INPPL1: variants seen among roughly 807,000 people sequenced by gnomAD.
INPPL1 encodes the protein inositol polyphosphate phosphatase like 1.
A neutral mutation model predicts 139.3 loss-of-function variants in INPPL1; 91 were observed. The observed-to-expected ratio is 0.65, with a 90% CI of 0.55 to 0.78. The LOEUF is 0.78. Among genes scored for constraint, INPPL1 ranks in the 30% least tolerant of loss-of-function variants. The pLI is 0.00. For synonymous variants in INPPL1, 719 were observed against 686.6 expected (o/e 1.05, Z -0.74); for missense variants, 1,411 against 1,665.6 (o/e 0.85, Z 2.66).
intron 14 of INPPL1, 34 bp downstream of exon 14, chr11:72,232,370 C>G: frequency 1.3e-6 from 2 of 1,524,316 alleles, no homozygotes; most frequent in Non-Finnish European, 1.8e-6. Flanking sequence ...TCTCTTTACA[C>G]CCATCCCATT....
At chr11:72,226,870 G>A (rs1197042380) in intron 1 of INPPL1, among the ~76,000 whole-genome samples, 1 of 152,094 alleles carries the variant, frequency 6.6e-6, no homozygotes, top group African/African-American at 2.4e-5. Flanking sequence ...GTGTCTGGGT[G>A]AGGAACATTA....
intron 14 of INPPL1, 21 bp downstream of exon 14, chr11:72,232,357 T>G (rs913141987): frequency 3.9e-6 from 6 of 1,545,506 alleles, no homozygotes; most frequent in South Asian, 1.2e-5. Context: ...GCCTTTCCCA[T>G]GGTCTCTTTA....
intron 1 of INPPL1, among the ~76,000 whole-genome samples, chr11:72,226,843 G>C (rs955056564): frequency 2.0e-5 from 3 of 152,104 alleles, no homozygotes; most frequent in Non-Finnish European, 4.4e-5. Flanking sequence ...TGAGTGGGAG[G>C]GGGACAGCTG....
At position 72,235,612 on chromosome 11, in the gene INPPL1, A is replaced by T; in HGVS notation, c.2660-63A>T. 6.3e-7 allele frequency: 1 copy of T among 1,598,242 alleles called. No homozygotes were observed. The highest frequency in any genetic ancestry group is 1.1e-5 in the South Asian group (1 of 90,272). On this transcript the variant is annotated intron_variant, in intron 23 of 27. Transcript: ENST00000298229. This position sits in a 1 kb window ranked among gnomAD's most constrained non-coding sequence, Gnocchi z 4.9. The stretch of plus-strand genomic sequence containing the variant: ...TAGCTGGGAAAGGGCTGGCAGGCCC[A>T]CTGGGTGTCTGTGGGATCCAGGAGC...
In INPPL1 at chr11:72,237,367, TGAG is replaced by T. The variant is rs770954047; in HGVS notation, c.3127_3129del (p.Glu1043del). The T allele has an allele frequency of 6.2e-6, 10 of 1,613,764 alleles. No individual in the cohort carries two copies. The African/African-American group carries it at 1.1e-4, about 17-fold the overall frequency. ...GTGTGGGAGAGGGGAGTTCTTCAGA[TGAG>T]GAGTCTGGAGGCACACTGCCCCCTC... On this transcript the variant is annotated inframe_deletion, in exon 26 of 28. Coordinates refer to ENST00000298229, the MANE Select transcript of INPPL1 (RefSeq NM_001567.4).
intron 19 of INPPL1, 126 bp downstream of exon 19, chr11:72,233,870 G>C: frequency 1.3e-6 from 1 of 761,354 alleles, no homozygotes; most frequent in Non-Finnish European, 2.3e-6. Flanking sequence ...GAGTGCAGGA[G>C]TGTTTCTCAA....
At chr11:72,232,577 C>T (rs976372789) in intron 14 of INPPL1, 49 bp from the exon 15 acceptor site, 1 of 1,602,356 alleles carries the variant, frequency 6.2e-7, no homozygotes, top group African/African-American at 1.3e-5. Context: ...TGACTTCTGG[C>T]CCTGACCCTG....
At chr11:72,225,331 G>T in intron 1 of INPPL1, 165 bp downstream of exon 1, 1 of 985,438 alleles carries the variant, frequency 1.0e-6, no homozygotes, top group South Asian at 4.7e-5. Context: ...GAGGAGGGAC[G>T]CAGGGGCACT....
chr11:72,238,102 C>T lies in INPPL1; in HGVS notation c.3613C>T (p.Leu1205=). Reference sequence around the variant, plus strand: ...GGGCGAGGCAGGCATGAGTGCCTGGCTGCGGGCCATCGGCTTGGAGCGCTA... The same window carrying T: ...GGGCGAGGCAGGCATGAGTGCCTGGTTGCGGGCCATCGGCTTGGAGCGCTA... ...GLGEAGMSAW[L]RAIGLERYEE... Residue 1205 remains leucine (L), a synonymous_variant, in exon 27 of 28, where the codon CTG becomes TTG. Transcript: ENST00000298229. The T allele has an allele frequency of 1.3e-6, 2 of 1,583,476 alleles. No homozygotes were observed. Among genetic ancestry groups the T allele is most frequent in the Non-Finnish European group, 1.7e-6 (2 of 1,164,438 alleles).
Position 72,235,426 on chromosome 11 carries a change from C to T in INPPL1, c.2634C>T (p.Arg878=), listed in dbSNP as rs1344546700. 7 of 1,613,158 alleles carry T rather than the reference C, an allele frequency of 4.3e-6. No individual in the cohort carries two copies. The highest frequency in any genetic ancestry group is 5.1e-6 in the Non-Finnish European group (6 of 1,179,974). The change falls in exon 23 of 28, where the codon CGC becomes CGT. Residue 878 remains arginine, a synonymous_variant. Coordinates refer to ENST00000298229, the MANE Select transcript of INPPL1 (RefSeq NM_001567.4). The surrounding 1 kb of genome is among the most constrained non-coding windows in gnomAD (Gnocchi z 4.9). ...GSMKVRVPTE[R]LGTRERLYEW... ...TGAAGGTGCGGGTGCCCACGGAGCG[C>T]CTGGGCACCCGTGAGCGGCTCTACG...
chr11:72,227,041 C>T lies in INPPL1; in HGVS notation c.183-1149C>T, dbSNP rs11235471. On this transcript the variant is annotated intron_variant, in intron 1 of 27. Coordinates refer to ENST00000298229, the MANE Select transcript of INPPL1 (RefSeq NM_001567.4). ...TAAGGATCAGACGTGGGCGATCAGA[C>T]GTGGGCAATATCTTAGATTTGCCAA... Among the ~76,000 whole-genome samples, 358 of 152,216 alleles carry T rather than the reference C, an allele frequency of 2.4e-3. 2 individuals are homozygous for T. The highest frequency in any genetic ancestry group is 7.6e-3 in the African/African-American group (314 of 41,508).
At chr11:72,226,057 T>A (rs1034463485) in intron 1 of INPPL1, among the ~76,000 whole-genome samples, 4 of 152,182 alleles carry the variant, frequency 2.6e-5, no homozygotes, top group African/African-American at 9.7e-5. Context: ...AGATCTTTAT[T>A]TAGATCTTTC....
At position 72,233,641 on chromosome 11, in the gene INPPL1, T is replaced by C. The variant is rs1462185921; in HGVS notation, c.2123-14T>C. 1 of 1,613,050 alleles carries C rather than the reference T, an allele frequency of 6.2e-7. No individual in the cohort carries two copies. Among genetic ancestry groups the C allele is most frequent in the Non-Finnish European group, 8.5e-7 (1 of 1,179,142 alleles). ...TATTCCCCCTGAGTCCCCATTCCTA[T>C]CCCCTCTCCCCAGGTTGCACTGATG... is the stretch of plus-strand genomic sequence containing the variant. On this transcript the variant is annotated splice_polypyrimidine_tract_variant and intron_variant, in intron 18 of 27. Transcript: ENST00000298229.
At chr11:72,233,765 TGTGGGTGTGGCATAATCTAG>T in intron 19 of INPPL1, 21 bp downstream of exon 19, 2 of 1,603,106 alleles carry the variant, frequency 1.2e-6, no homozygotes, top group African/African-American at 1.3e-5. Context: ...CAGATATGCT[TGTGGGTGTGGCATAATCTAG>T]GTGGGCACAG....
chr11:72,237,828 C>A, intron 26 of INPPL1, 32 bp downstream of exon 26: 1 of 1,561,540 alleles, frequency 6.4e-7, no homozygotes, highest in Admixed American at 1.9e-5. Flanking sequence ...TCTGTGTGTG[C>A]CTGAGTGTGC....
chr11:72,236,759 G>T (rs1286419126), intron 25 of INPPL1, among the ~76,000 whole-genome samples: 2 of 152,200 alleles, frequency 1.3e-5, no homozygotes, highest in Non-Finnish European at 2.9e-5. Flanking sequence ...TTCTGCAGCG[G>T]ATTGACTGTG....
chr11:72,236,915 A>C (rs1949002600), intron 25 of INPPL1, among the ~76,000 whole-genome samples: 1 of 152,210 alleles, frequency 6.6e-6, no homozygotes, highest in South Asian at 2.1e-4. Context: ...CAAGTGAGGC[A>C]AGGGATTGTA....
chr11:72,235,287 G>A lies in INPPL1; in HGVS notation c.2504-9G>A. 6.2e-7 allele frequency: 1 copy of A among 1,613,982 alleles called. No individual in the cohort carries two copies. Among genetic ancestry groups the A allele is most frequent in the Non-Finnish European group, 8.5e-7 (1 of 1,179,954 alleles). ...GGTAATTTGCTGGTTTGTCCCATCT[G>A]CTCCTCAGGGGAGTGTGTGGTTGCA... is the stretch of plus-strand genomic sequence containing the variant. On this transcript the variant is annotated splice_polypyrimidine_tract_variant and intron_variant, in intron 22 of 27. Coordinates refer to ENST00000298229, the MANE Select transcript of INPPL1 (RefSeq NM_001567.4). The surrounding 1 kb of genome is among the most constrained non-coding windows in gnomAD (Gnocchi z 4.9).
Position 72,234,688 on chromosome 11 carries a change from C to A in INPPL1, c.2415+73C>A. 3 of 1,078,300 alleles carry A rather than the reference C, an allele frequency of 2.8e-6. No homozygotes were observed. The highest frequency in any genetic ancestry group is 4.2e-6 in the Non-Finnish European group (3 of 711,768). 66.8% of individuals were successfully genotyped at this position (1,078,300 alleles called of 1,614,324 possible). A position where few individuals can be genotyped will look rare whatever the true frequency, so the allele number is the denominator to read the frequency against. On this transcript the variant is annotated intron_variant, in intron 21 of 27. Transcript: ENST00000298229. This position sits in a 1 kb window ranked among gnomAD's most constrained non-coding sequence, Gnocchi z 4.2. ...GGGTACATAAGAGTTTATTGGAGAG[C>A]CTGCCTGGGAGGGAGTGTGGGGCCA...
Sources: gnomAD v4.1 joint callset for allele counts (sites outside exome capture counted in the v4.1 genomes callset) on GRCh38, gnomAD v4.1.1 for gene constraint, Gnocchi (gnomAD v3.1) non-coding constraint, MANE v1.5 for transcripts, NCBI Gene and HGNC (gene_info 2026-07-23, HGNC 2026-07-21) for gene names.